The following GPS1 variants were observed in gnomAD, a reference collection of about 807,000 sequenced individuals.
GPS1 encodes G protein pathway suppressor 1, also known as COP9 signalosome complex subunit 1.
In GPS1, 11 loss-of-function variants were observed where a neutral mutation model predicts 60.0. That is an observed-to-expected ratio of 0.18 (90% CI 0.12 to 0.30). The LOEUF (loss-of-function observed/expected upper bound fraction) is 0.30, where lower values mean the gene tolerates loss of function less well. Among genes scored for constraint, GPS1 ranks in the 10% least tolerant of loss-of-function variants. GPS1 has a pLI of 1.00. For missense variants in GPS1, 543 were observed against 669.2 expected (o/e 0.81, Z 2.08); for synonymous variants, 343 against 269.8 (o/e 1.27, Z -2.66).
intron 6 of GPS1, 99 bp from the exon 7 acceptor site, chr17:82,055,641 G>A: frequency 1.3e-6 from 1 of 781,588 alleles, no homozygotes; most frequent in Non-Finnish European, 2.1e-6. Flanking sequence ...GAGCCGGCTG[G>A]TGGTCGCGTT....
At chr17:82,051,281 G>A (rs764652539), upstream of GPS1, 26 of 1,381,446 alleles carry the variant, frequency 1.9e-5, no homozygotes, top group Non-Finnish European at 2.2e-5. The surrounding 1 kb of genome is among the most constrained non-coding windows in gnomAD (Gnocchi z 4.1). Flanking sequence ...GCCGGGGAGT[G>A]GGGGACACTC....
rs765159283 is a variant in GPS1, at chr17:82,056,561, G to C, written c.1116+11G>C. ...CGTGCCCTCATCCAGGTAAGCGTGGGGGTCAGGCTGGCACACGGCAGGCGG... is the reference window on the plus strand; with the variant it reads ...CGTGCCCTCATCCAGGTAAGCGTGGCGGTCAGGCTGGCACACGGCAGGCGG... On this transcript the variant is annotated intron_variant, in intron 10 of 12. Transcript: ENST00000578552. 1.2e-6 allele frequency: 2 copies of C among 1,612,770 alleles called. No individual in the cohort carries two copies. The highest frequency in any genetic ancestry group is 2.2e-5 in the South Asian group (2 of 91,082).
Position 82,056,896 on chromosome 17 carries a change from G to C in GPS1, c.1311G>C (p.Leu437Phe). Reference protein sequence around the residue: ...QRSTTFEKSLLMGKEFQRRAK... With the variant: ...QRSTTFEKSLFMGKEFQRRAK... Reference sequence around the variant, plus strand: ...GCACCACCTTTGAGAAGTCTCTGTTGATGGGCAAGGAGTTCCAGCGCCGCG... The same window carrying C: ...GCACCACCTTTGAGAAGTCTCTGTTCATGGGCAAGGAGTTCCAGCGCCGCG... The change falls in exon 12 of 13, where the codon TTG becomes TTC. Residue 437 changes from leucine to phenylalanine, a missense_variant. Leu to Phe is a conservative substitution (Grantham distance 22, BLOSUM62 0). This residue lies in a region of GPS1 where 291 missense variants were observed against 353.7 expected (regional missense o/e 0.82). Coordinates refer to ENST00000578552, the MANE Select transcript of GPS1 (RefSeq NM_001321092.3). 1 of 1,612,964 alleles carries C rather than the reference G, an allele frequency of 6.2e-7. No individual in the cohort carries two copies. Among genetic ancestry groups the C allele is most frequent in the Non-Finnish European group, 8.5e-7 (1 of 1,179,962 alleles).
chr17:82,056,540 C>T lies in GPS1; in HGVS notation c.1106C>T (p.Ala369Val). Reference protein sequence around the residue: ...RTLYTQIRNRALIQYFSPYVS... With the variant: ...RTLYTQIRNRVLIQYFSPYVS... ...CTGTACACCCAGATTCGCAACCGTG[C>T]CCTCATCCAGGTAAGCGTGGGGGTC... Residue 369 changes from alanine to valine, a missense_variant, in exon 10 of 13, where the codon GCC becomes GTC. Around this residue, in one of 3 missense-constraint regions of GPS1, gnomAD observed 291 missense variants for 353.7 expected, o/e 0.82. Coordinates refer to ENST00000578552, the MANE Select transcript of GPS1 (RefSeq NM_001321092.3). 1 of 1,613,016 alleles carries T rather than the reference C, an allele frequency of 6.2e-7. No individual in the cohort carries two copies. The highest frequency in any genetic ancestry group is 8.5e-7 in the Non-Finnish European group (1 of 1,180,000).
At chr17:82,054,835 G>A in intron 4 of GPS1, 25 bp downstream of exon 4, 2 of 1,579,008 alleles carry the variant, frequency 1.3e-6, no homozygotes, top group Non-Finnish European at 1.7e-6. Context: ...GCGGGCGGGG[G>A]TGGGCAGCAT....
chr17:82,053,439 G>A, intron 2 of GPS1, 73 bp downstream of exon 2: 3 of 1,072,668 alleles, frequency 2.8e-6, no homozygotes, highest in Non-Finnish European at 2.5e-6. Flanking sequence ...CCCCGCTGCA[G>A]CCTGCACAGC....
At chr17:82,052,161 G>A (rs1598478044) in intron 1 of GPS1, 197 bp downstream of exon 1, 1 of 1,179,400 alleles carries the variant, frequency 8.5e-7, no homozygotes, top group East Asian at 3.2e-5. Context: ...GCTGCGATCG[G>A]GGGCCGCCGG....
chr17:82,056,991 G>T lies in GPS1; in HGVS notation c.1389+17G>T, dbSNP rs574747988. The T allele has an allele frequency of 2.4e-5, 38 of 1,612,340 alleles. No homozygotes were observed. The highest frequency in any genetic ancestry group is 3.1e-5 in the Non-Finnish European group (37 of 1,179,724). The stretch of plus-strand genomic sequence containing the variant: ...CATGTCAAGGTGGGCTGGCTTGAGG[G>T]GGGGCAGGCGCACGGCGTGTGGGGC... On this transcript the variant is annotated intron_variant, in intron 12 of 12. Transcript: ENST00000578552.
intron 2 of GPS1, 21 bp from the exon 3 acceptor site, chr17:82,053,847 C>G: frequency 1.3e-6 from 2 of 1,595,394 alleles, no homozygotes. Context: ...CTGCCTGACT[C>G]TTGTCTGTGC....
chr17:82,050,937 CCACCG>C (rs2030446093), upstream of GPS1: 1 of 1,415,412 alleles, frequency 7.1e-7, no homozygotes, highest in Admixed American at 2.8e-5. Flanking sequence ...CCTGCTGGTG[CCACCG>C]AGGCTGAAGC....
Position 82,055,800 on chromosome 17 carries a change from C to G in GPS1, c.809C>G (p.Ser270Cys). Residue 270 changes from serine to cysteine, a missense_variant, in exon 7 of 13, where the codon TCC (serine) becomes TGC (cysteine). This residue lies in a region of GPS1 where 291 missense variants were observed against 353.7 expected (regional missense o/e 0.82). Transcript: ENST00000578552. ...GCTGCCAAGTGCCTCCTGCTGGCTT[C>G]CTTTGATCACTGTGACTTCCCTGAG... ...KQAAKCLLLASFDHCDFPELL... is the reference protein window; with the variant it reads ...KQAAKCLLLACFDHCDFPELL... 1 of 1,563,920 alleles carries G rather than the reference C, an allele frequency of 6.4e-7. No homozygotes were observed. Among genetic ancestry groups the G allele is most frequent in the Non-Finnish European group, 8.7e-7 (1 of 1,153,476 alleles).
At chr17:82,054,342 C>T in intron 3 of GPS1, 168 bp from the exon 4 acceptor site, 1 of 964,058 alleles carries the variant, frequency 1.0e-6, no homozygotes, top group Non-Finnish European at 1.5e-6. Context: ...GCAGTTCTCT[C>T]TGTGGCCCTG....
rs369415235 is a variant in GPS1 at position 82,054,789 on chromosome 17, C to T, written c.588C>T (p.Asn196=). The T allele has an allele frequency of 3.7e-5, 60 of 1,605,046 alleles. No homozygotes were observed. Among genetic ancestry groups the T allele is most frequent in the Non-Finnish European group, 4.8e-5 (56 of 1,175,208 alleles). Residue 196 remains asparagine (N), a synonymous_variant, in exon 4 of 13, where the codon AAC becomes AAT. Coordinates refer to ENST00000578552, the MANE Select transcript of GPS1 (RefSeq NM_001321092.3). The part of the protein sequence containing the change: ...DYCTSAKHVI[N]MCLNVIKVSV... ...GCACCAGCGCCAAACACGTCATCAA[C>T]ATGTGCCTCAATGTCATCAAGGTCG... is the stretch of plus-strand genomic sequence containing the variant.
intron 7 of GPS1, 30 bp downstream of exon 7, chr17:82,055,855 A>C: frequency 6.5e-7 from 1 of 1,538,448 alleles, no homozygotes; most frequent in African/African-American, 1.4e-5. Context: ...CTTGGGAGGC[A>C]GAGCATGGGC....
upstream of GPS1, chr17:82,051,648 G>C: frequency 1.3e-5 from 14 of 1,051,888 alleles, no homozygotes; most frequent in Non-Finnish European, 1.6e-5. The surrounding 1 kb of genome is among the most constrained non-coding windows in gnomAD (Gnocchi z 4.1). Flanking sequence ...CGGGGCCGGG[G>C]CGGGGGTCCG....
In GPS1 at chr17:82,056,078, C is replaced by T. The variant is rs1452498259; in HGVS notation, c.912C>T (p.Arg304=). The T allele has an allele frequency of 1.2e-6, 2 of 1,612,132 alleles. No individual in the cohort carries two copies. The highest frequency in any genetic ancestry group is 2.2e-5 in the South Asian group (2 of 91,070). ...LATFDRQELQ[R]NVISSSSFKL... ...CCTTTGACCGGCAGGAGCTGCAGCG[C>T]AATGTCATCTCCAGCAGGTAGGTGC... Residue 304 remains arginine, a synonymous_variant, in exon 8 of 13, where the codon CGC becomes CGT. Coordinates refer to ENST00000578552, the MANE Select transcript of GPS1 (RefSeq NM_001321092.3).
chr17:82,052,511 G>T (rs1256853594), intron 1 of GPS1: 3 of 1,580,364 alleles, frequency 1.9e-6, no homozygotes, highest in South Asian at 1.1e-5. Context: ...GCAGGGCCCC[G>T]GCCGCCCCTG....
intron 5 of GPS1, 48 bp from the exon 6 acceptor site, chr17:82,055,114 C>G (rs758323318): frequency 1.1e-5 from 17 of 1,565,642 alleles, no homozygotes; most frequent in Admixed American, 7.6e-5. Context: ...GCATCGAGCT[C>G]TAGGAAATGT....
At chr17:82,051,824 G>C, upstream of GPS1, 10 of 1,136,350 alleles carry the variant, frequency 8.8e-6, no homozygotes, top group Non-Finnish European at 1.1e-5. This position sits in a 1 kb window ranked among gnomAD's most constrained non-coding sequence, Gnocchi z 4.1. Context: ...CCGTGGGTGG[G>C]CGGCGGCCCC....
Sources: gnomAD v4.1 joint callset for allele counts on GRCh38, gnomAD v4.1.1 for gene constraint, gnomAD v4.1.1 regional missense constraint, Gnocchi (gnomAD v3.1) non-coding constraint, MANE v1.5 for transcripts, NCBI Gene and HGNC (gene_info 2026-07-23, HGNC 2026-07-21) for gene names.